Variants in PNPLA8 observed in about 807,000 individuals in gnomAD.
The protein encoded by PNPLA8 is calcium-independent phospholipase A2-gamma.
PNPLA8 carries 39 observed loss-of-function variants against 76.9 expected under a neutral mutation model. The observed-to-expected ratio is 0.51, with a 90% CI of 0.39 to 0.66. PNPLA8 has a LOEUF of 0.66. Among genes scored for constraint, PNPLA8 ranks in the 30% least tolerant of loss-of-function variants. The probability of loss-of-function intolerance (pLI) is 0.00; values close to 1 mark genes in which losing one functional copy is unlikely to be tolerated. For missense variants in PNPLA8, 887 were observed against 918.0 expected, an observed-to-expected ratio of 0.97 and a Z score of 0.44; for synonymous variants, 301 against 307.9, an observed-to-expected ratio of 0.98 and a Z score of 0.24.
chr7:108,518,758 T>TATAC (rs1554690263), intron 2 of PNPLA8, among the ~76,000 whole-genome samples: 467 of 122,634 alleles, frequency 3.8e-3, no homozygotes, highest in South Asian at 0.014. Context: ...TATATATATA[T>TATAC]ACACACACAC....
chr7:108,510,725 C>G (rs139968804), intron 4 of PNPLA8: 2 of 1,600,422 alleles, frequency 1.2e-6, no homozygotes, highest in African/African-American at 2.7e-5. Flanking sequence ...CAATAAGAAG[C>G]GAATTGCTTT....
In PNPLA8 at chr7:108,515,593, A is replaced by T; in HGVS notation, c.-83-19T>A. On this transcript the variant is annotated intron_variant, in intron 2 of 10. Transcript: ENST00000257694. ...GTCTTACCTGAAATGGCAAGAAAAA[A>T]AATTAGAATTCAAGTTAAAAATTGA... The T allele has an allele frequency of 8.0e-7, 1 of 1,256,100 alleles. No individual in the cohort carries two copies. Among genetic ancestry groups the T allele is most frequent in the Admixed American group, 3.7e-5 (1 of 26,764 alleles). The allele number at this position is 1,256,100 out of a possible 1,614,324, so 77.8% of individuals were successfully genotyped here. A position where few individuals can be genotyped will look rare whatever the true frequency, so the allele number is the denominator to read the frequency against.
chr7:108,502,699 T>C (rs1862055902), intron 4 of PNPLA8, 57 bp from the exon 5 acceptor site: 1 of 1,310,424 alleles, frequency 7.6e-7, no homozygotes, highest in Non-Finnish European at 1.1e-6. Flanking sequence ...TGAAAATGTA[T>C]GATTATTATT....
In PNPLA8 at chr7:108,479,529, G is replaced by A. The variant is rs1223752843; in HGVS notation, c.1879-150C>T. The A allele has an allele frequency of 6.4e-6, 4 of 626,728 alleles. No homozygotes were observed. In the East Asian group the frequency reaches 8.4e-5, roughly 13 times the overall value. 38.8% of individuals were successfully genotyped at this position (626,728 alleles called of 1,614,324 possible). A position where few individuals can be genotyped will look rare whatever the true frequency, so the allele number is the denominator to read the frequency against. On this transcript the variant is annotated intron_variant, in intron 9 of 10. Transcript: ENST00000257694. ...ACTACAGCTGCAAAAAAATCCATGC[G>A]AAGACTCATTGGTCTCATAAAGAAA...
Position 108,491,470 on chromosome 7 carries a change from TTA to T in PNPLA8, c.1626-5_1626-4del. On this transcript the variant is annotated splice_polypyrimidine_tract_variant and splice_region_variant and intron_variant, in intron 7 of 10. Transcript: ENST00000257694. ...TCAGTGCAGATCCCATCCTATCCCT[TTA>T]TTAAAGGAGAAAAAAATAAGTTATA... 7 of 1,581,622 alleles carry T rather than the reference TTA, an allele frequency of 4.4e-6. No homozygotes were observed. The highest frequency in any genetic ancestry group is 6.1e-6 in the Non-Finnish European group (7 of 1,151,420).
chr7:108,491,968 C>A (rs40843), intron 7 of PNPLA8, among the ~76,000 whole-genome samples: 2 of 151,976 alleles, frequency 1.3e-5, no homozygotes, highest in Non-Finnish European at 2.9e-5. Context: ...CAGCCAATGT[C>A]ATCAAGAAAA....
intron 1 of PNPLA8, among the ~76,000 whole-genome samples, chr7:108,522,173 A>G (rs1261625478): frequency 6.6e-6 from 1 of 152,056 alleles, no homozygotes; most frequent in Non-Finnish European, 1.5e-5. Flanking sequence ...ACGTGACTAT[A>G]GTCCCAGCTA....
intron 4 of PNPLA8, among the ~76,000 whole-genome samples, chr7:108,511,163 A>G (rs1862903657): frequency 6.6e-6 from 1 of 152,178 alleles, no homozygotes; most frequent in Admixed American, 6.5e-5. Context: ...TCAGTTGATG[A>G]AGGAAGGCTC....
intron 10 of PNPLA8, among the ~76,000 whole-genome samples, chr7:108,476,085 C>T (rs1409948802): frequency 6.6e-6 from 1 of 152,162 alleles, no homozygotes; most frequent in Non-Finnish European, 1.5e-5. Flanking sequence ...CAATCATTTA[C>T]CATTTATTTA....
intron 10 of PNPLA8, among the ~76,000 whole-genome samples, chr7:108,477,837 G>A (rs1860108420): frequency 6.6e-6 from 1 of 152,100 alleles, no homozygotes; most frequent in Non-Finnish European, 1.5e-5. Context: ...GTTCCAGCCT[G>A]GGCAACAAAG....
chr7:108,490,648 G>A (rs1331044694), intron 8 of PNPLA8, among the ~76,000 whole-genome samples: 1 of 152,058 alleles, frequency 6.6e-6, no homozygotes, highest in Non-Finnish European at 1.5e-5. Context: ...GCCGGGCGTG[G>A]TGGCGGCTGC....
chr7:108,485,223 T>C (rs1323787286), intron 9 of PNPLA8, among the ~76,000 whole-genome samples: 2 of 152,160 alleles, frequency 1.3e-5, no homozygotes, highest in Admixed American at 1.3e-4. Context: ...TAATTTTGTT[T>C]AAAAAGTAGT....
At chr7:108,476,940 A>G (rs1860038283) in intron 10 of PNPLA8, among the ~76,000 whole-genome samples, 1 of 151,936 alleles carries the variant, frequency 6.6e-6, no homozygotes, top group African/African-American at 2.4e-5. Flanking sequence ...AAATAGTTGA[A>G]CTAAAAAAAA....
chr7:108,489,856 A>G (rs1230125952), intron 8 of PNPLA8, among the ~76,000 whole-genome samples: 4 of 152,242 alleles, frequency 2.6e-5, no homozygotes, highest in Non-Finnish European at 5.9e-5. Flanking sequence ...ACAGAACTCA[A>G]GCAACACTCA....
At chr7:108,480,497 C>CA (rs1860318852) in intron 9 of PNPLA8, among the ~76,000 whole-genome samples, 1 of 152,170 alleles carries the variant, frequency 6.6e-6, no homozygotes, top group Non-Finnish European at 1.5e-5. Flanking sequence ...GCTGAGTACA[C>CA]GGAAAGGCAT....
intron 9 of PNPLA8, among the ~76,000 whole-genome samples, chr7:108,484,550 T>C (rs564869943): frequency 6.6e-6 from 1 of 152,152 alleles, no homozygotes; most frequent in South Asian, 2.1e-4. Flanking sequence ...CCAAACATTT[T>C]TATCACCCAC....
chr7:108,526,177 T>TCCGCC (rs1333934204), upstream of PNPLA8: 4 of 789,998 alleles, frequency 5.1e-6, no homozygotes, highest in African/African-American at 7.5e-5. Flanking sequence ...CCCGCCCCGC[T>TCCGCC]CCGCCCCCAG....
chr7:108,473,323 T>G (rs572647548), intron 10 of PNPLA8, among the ~76,000 whole-genome samples: 11 of 152,332 alleles, frequency 7.2e-5, no homozygotes, highest in African/African-American at 2.2e-4. Context: ...TCTCTGCAGT[T>G]CTGGTCTGGC....
chr7:108,490,138 T>C lies in PNPLA8; in HGVS notation c.1683+1272A>G, dbSNP rs568484958. 1.1e-4 allele frequency among the ~76,000 whole-genome samples: 16 copies of C among 152,356 alleles called. 1 individual carries two copies. The South Asian group carries it at 3.3e-3, about 32-fold the overall frequency. On this transcript the variant is annotated intron_variant, in intron 8 of 10. Coordinates refer to ENST00000257694, the MANE Select transcript of PNPLA8 (RefSeq NM_001256007.3). ...TATATCTGTAGATACGTAAGTATTC[T>C]TATCATTGTGTCACAATTGCCTACA...
Sources: gnomAD v4.1 joint callset for allele counts (sites outside exome capture counted in the v4.1 genomes callset) on GRCh38, gnomAD v4.1.1 for gene constraint, MANE v1.5 for transcripts, NCBI Gene and HGNC (gene_info 2026-07-23, HGNC 2026-07-21) for gene names.